The following CFAP47 variants were observed in gnomAD, a reference collection of about 807,000 sequenced individuals.
CFAP47 encodes the protein cilia- and flagella-associated protein 47.
In CFAP47, 29 loss-of-function variants were observed where a neutral mutation model predicts 148.1. That is an observed-to-expected ratio of 0.20 (90% confidence interval 0.15 to 0.27). CFAP47 has a LOEUF of 0.27. Ranked by LOEUF, CFAP47 falls within the 10% of genes least tolerant of loss-of-function variation. CFAP47 has a pLI of 1.00. For missense variants in CFAP47, 1,872 were observed against 1,697.5 expected, an observed-to-expected ratio of 1.10 and a Z score of -1.81; for synonymous variants, 664 against 577.3, an observed-to-expected ratio of 1.15 and a Z score of -2.15.
intron 51 of CFAP47, among the ~76,000 whole-genome samples, chrX:36,293,502 G>T (rs1043698650): frequency 1.8e-5 from 2 of 112,134 alleles, no homozygotes; most frequent in Non-Finnish European, 3.8e-5. Flanking sequence ...GGACTCAGAG[G>T]TTCCTACGTA....
chrX:36,077,472 A>G (rs928736129), intron 29 of CFAP47, among the ~76,000 whole-genome samples: 2 of 107,891 alleles, frequency 1.9e-5, no homozygotes, highest in Non-Finnish European at 3.8e-5. Flanking sequence ...ATCTCCTTGT[A>G]TAGATCTTTC....
intron 8 of CFAP47, among the ~76,000 whole-genome samples, chrX:35,963,401 A>C (rs1199699386): frequency 1.8e-5 from 2 of 111,276 alleles, no homozygotes; most frequent in Non-Finnish European, 3.8e-5. Flanking sequence ...TATACAAACA[A>C]TTTCTATTTA....
intron 62 of CFAP47, chrX:36,375,055 A>C: frequency 2.3e-6 from 1 of 438,820 alleles, no homozygotes; most frequent in Non-Finnish European, 4.2e-6. Context: ...GTGTAACCAC[A>C]CTTCATCATC....
intron 44 of CFAP47, among the ~76,000 whole-genome samples, chrX:36,203,933 T>C (rs1273695385): frequency 9.0e-6 from 1 of 111,701 alleles, no homozygotes; most frequent in Non-Finnish European, 1.9e-5. Flanking sequence ...CCAGTTATTT[T>C]TGTAAATTCA....
At chrX:36,131,459 A>G (rs1201672666) in intron 33 of CFAP47, among the ~76,000 whole-genome samples, 2 of 111,184 alleles carry the variant, frequency 1.8e-5, no homozygotes, top group Non-Finnish European at 3.8e-5. Context: ...TAAAACTGCT[A>G]TAAAAAAAAG....
chrX:36,204,774 C>T (rs890995292), intron 44 of CFAP47, among the ~76,000 whole-genome samples, 183 bp from the exon 45 acceptor site: 46 of 111,179 alleles, frequency 4.1e-4, no homozygotes, highest in Non-Finnish European at 7.4e-4. Flanking sequence ...GAGGACTCCA[C>T]TGGTTTTCTG....
intron 45 of CFAP47, among the ~76,000 whole-genome samples, chrX:36,224,200 T>A (rs1940244695): frequency 9.1e-6 from 1 of 110,065 alleles, no homozygotes; most frequent in South Asian, 3.9e-4. Context: ...TTTTCTGGTA[T>A]TAAAAATATA....
chrX:35,927,949 G>C (rs891708555), intron 2 of CFAP47, among the ~76,000 whole-genome samples: 5 of 107,490 alleles, frequency 4.7e-5, no homozygotes, highest in African/African-American at 1.7e-4. Flanking sequence ...CCAAGTTGTT[G>C]AATGTATCAA....
intron 15 of CFAP47, among the ~76,000 whole-genome samples, chrX:35,986,634 C>T (rs1429428406): frequency 2.7e-5 from 3 of 110,352 alleles, no homozygotes; most frequent in Non-Finnish European, 3.8e-5. Context: ...ATTCTCCATC[C>T]AGTTTTGTTC....
At chrX:36,149,728 C>T (rs1939284627) in intron 37 of CFAP47, among the ~76,000 whole-genome samples, 1 of 108,411 alleles carries the variant, frequency 9.2e-6, no homozygotes, top group Admixed American at 1.0e-4. Flanking sequence ...CCTGCCTCAG[C>T]CTCCCAAGTA....
At chrX:36,049,699 T>C (rs141433193) in intron 26 of CFAP47, among the ~76,000 whole-genome samples, 1,836 of 112,167 alleles carry the variant, frequency 0.016, 44 homozygotes, top group African/African-American at 0.057. Context: ...TGTGACTGTG[T>C]ATTCAAAGAA....
At position 36,031,356 on chromosome X, in the gene CFAP47, A is replaced by G; in HGVS notation, c.3651+9A>G. On this transcript the variant is annotated intron_variant, in intron 23 of 63. Coordinates refer to ENST00000378653, the MANE Select transcript of CFAP47 (RefSeq NM_001304548.2). The stretch of plus-strand genomic sequence containing the variant: ...AGGTCACAAAAACTCAGGTATGTAT[A>G]AAGAAGTGATACAGTTTACAATTCT... 1 of 289,362 alleles carries G rather than the reference A, an allele frequency of 3.5e-6. No homozygotes were observed. Among genetic ancestry groups the G allele is most frequent in the Non-Finnish European group, 6.1e-6 (1 of 164,498 alleles). The allele number at this position is 289,362 out of a possible 1,213,427, so 23.8% of individuals were successfully genotyped here.
intron 49 of CFAP47, among the ~76,000 whole-genome samples, chrX:36,257,167 G>A (rs1940763213): frequency 8.9e-6 from 1 of 111,828 alleles, no homozygotes; most frequent in Non-Finnish European, 1.9e-5. Context: ...AGTCATCAAT[G>A]ATGTTTTATT....
At chrX:36,173,201 T>G (rs750277349) in intron 39 of CFAP47, among the ~76,000 whole-genome samples, 38 of 111,868 alleles carry the variant, frequency 3.4e-4, no homozygotes, top group African/African-American at 1.1e-3. Context: ...TTTTTCTTTA[T>G]TAGTCTTGCT....
At chrX:36,147,298 A>G (rs1404188331) in intron 36 of CFAP47, among the ~76,000 whole-genome samples, 1 of 111,626 alleles carries the variant, frequency 9.0e-6, no homozygotes, top group Non-Finnish European at 1.9e-5. Context: ...TCTTCTTCCT[A>G]TCTACTCCTC....
intron 9 of CFAP47, 65 bp downstream of exon 9, chrX:35,966,819 T>G: frequency 2.4e-6 from 2 of 819,476 alleles, no homozygotes; most frequent in Non-Finnish European, 3.3e-6. Flanking sequence ...ATTATTTTAA[T>G]ATACTAATTG....
At chrX:36,056,506 C>T (rs1937555901) in intron 26 of CFAP47, among the ~76,000 whole-genome samples, 1 of 112,194 alleles carries the variant, frequency 8.9e-6, no homozygotes, top group Non-Finnish European at 1.9e-5. Context: ...CAGCGTGTAT[C>T]TCTCTGTCCT....
chrX:36,298,933 T>G, intron 51 of CFAP47, 44 bp from the exon 52 acceptor site: 1 of 857,304 alleles, frequency 1.2e-6, no homozygotes, highest in East Asian at 3.5e-5. Flanking sequence ...AATGACTCCA[T>G]GCTGACACTA....
intron 21 of CFAP47, among the ~76,000 whole-genome samples, chrX:36,013,531 T>C (rs768129169): frequency 8.9e-6 from 1 of 111,886 alleles, no homozygotes; most frequent in African/African-American, 3.2e-5. Context: ...GTACATTTTC[T>C]TGTGTGTATT....
Sources: gnomAD v4.1 joint callset for allele counts (sites outside exome capture counted in the v4.1 genomes callset) on GRCh38, gnomAD v4.1.1 for gene constraint, MANE v1.5 for transcripts, NCBI Gene and HGNC (gene_info 2026-07-23, HGNC 2026-07-21) for gene names.